The following COPS4 variants were observed in gnomAD, a reference collection of about 807,000 sequenced individuals.
COPS4 encodes COP9 signalosome complex subunit 4.
In COPS4, 8 loss-of-function variants were observed where a neutral mutation model predicts 55.1. The ratio of observed to expected loss-of-function variants is 0.15; its 90% confidence interval spans 0.09 to 0.26. The LOEUF is 0.26. Ranked by LOEUF, COPS4 falls within the 10% of genes least tolerant of loss-of-function variation. The pLI is 1.00. For synonymous variants in COPS4, 185 were observed against 165.7 expected, an observed-to-expected ratio of 1.12 and a Z score of -0.90; for missense variants, 248 against 484.0, an observed-to-expected ratio of 0.51 and a Z score of 4.58.
At chr4:83,068,573 T>C (rs372470219) in intron 9 of COPS4, 51 bp downstream of exon 9, 40 of 1,129,722 alleles carry the variant, frequency 3.5e-5, no homozygotes, top group Non-Finnish European at 5.0e-5. Flanking sequence ...TGAACTGTTA[T>C]ATTTGTGATT....
chr4:83,061,034 C>CAA (rs201966859), intron 6 of COPS4, among the ~76,000 whole-genome samples: 14 of 148,672 alleles, frequency 9.4e-5, no homozygotes, highest in Non-Finnish European at 1.3e-4. Flanking sequence ...AACTCTGTCT[C>CAA]AAAAAAAAAA....
chr4:83,071,237 C>T (rs1731421816), intron 9 of COPS4, among the ~76,000 whole-genome samples: 1 of 152,138 alleles, frequency 6.6e-6, no homozygotes, highest in African/African-American at 2.4e-5. Flanking sequence ...ATGGTACATC[C>T]AACATCTGTT....
At chr4:83,059,086 T>C (rs968980865) in intron 6 of COPS4, among the ~76,000 whole-genome samples, 2 of 152,192 alleles carry the variant, frequency 1.3e-5, no homozygotes, top group African/African-American at 4.8e-5. Context: ...TATTTCTTTA[T>C]TGAGTGAATT....
At chr4:83,043,178 T>C (rs1347810681) in intron 1 of COPS4, among the ~76,000 whole-genome samples, 1 of 152,140 alleles carries the variant, frequency 6.6e-6, no homozygotes, top group East Asian at 1.9e-4. Context: ...TTTTTCTTCC[T>C]ATTCCCAATA....
chr4:83,058,605 T>C (rs182273006), intron 6 of COPS4, among the ~76,000 whole-genome samples: 3 of 152,348 alleles, frequency 2.0e-5, no homozygotes, highest in African/African-American at 7.2e-5. Context: ...CTGCTTCTTT[T>C]TCTAAAGAAC....
chr4:83,066,601 C>T, intron 8 of COPS4, 48 bp downstream of exon 8: 1 of 815,638 alleles, frequency 1.2e-6, no homozygotes, highest in Non-Finnish European at 2.0e-6. Context: ...AGAGATGAAA[C>T]TATTAAAATA....
chr4:83,036,733 A>T (rs1730428022), intron 1 of COPS4, among the ~76,000 whole-genome samples: 1 of 148,588 alleles, frequency 6.7e-6, no homozygotes, highest in Non-Finnish European at 1.5e-5. Context: ...AATAAGTTAA[A>T]TATGTCTTCA....
intron 3 of COPS4, chr4:83,049,628 CA>C (rs970727128): frequency 1.3e-5 from 6 of 456,422 alleles, no homozygotes; most frequent in Non-Finnish European, 2.3e-5. Context: ...CAGGAACATA[CA>C]AGCTAAATTT....
intron 1 of COPS4, among the ~76,000 whole-genome samples, chr4:83,039,992 G>A (rs1023548931): frequency 3.3e-5 from 5 of 152,094 alleles, no homozygotes; most frequent in African/African-American, 4.8e-5. Flanking sequence ...AGGCTCCGGT[G>A]AAATCCCTGT....
Position 83,062,928 on chromosome 4 carries a change from A to T in COPS4, c.716-148A>T, listed in dbSNP as rs1731197819. ...TAGTGTTTGATAATTCAGCGTCGGC[A>T]GTGACTGCAGACCATAATTACCATG... On this transcript the variant is annotated intron_variant, in intron 6 of 9. Coordinates refer to ENST00000264389, the MANE Select transcript of COPS4 (RefSeq NM_016129.3). 6.5e-6 allele frequency: 4 copies of T among 611,878 alleles called. No homozygotes were observed. In the South Asian group the frequency reaches 9.7e-5, roughly 15 times the overall value. 37.9% of individuals were successfully genotyped at this position (611,878 alleles called of 1,614,324 possible).
chr4:83,057,778 C>A (rs561870247), intron 6 of COPS4, among the ~76,000 whole-genome samples: 3 of 151,622 alleles, frequency 2.0e-5, no homozygotes, highest in Non-Finnish European at 2.9e-5. Flanking sequence ...AAAAATTAGC[C>A]GGGCGTGGTG....
intron 2 of COPS4, among the ~76,000 whole-genome samples, chr4:83,047,741 C>T (rs1286865038): frequency 6.6e-6 from 1 of 152,178 alleles, no homozygotes; most frequent in Non-Finnish European, 1.5e-5. Context: ...TGGCTTACGC[C>T]TGTAGTCCCA....
chr4:83,062,849 T>C, intron 6 of COPS4: 1 of 380,610 alleles, frequency 2.6e-6, no homozygotes, highest in Non-Finnish European at 4.7e-6. Flanking sequence ...ACAAAAATGT[T>C]GTGACCAGAT....
At chr4:83,061,856 T>C (rs1731170905) in intron 6 of COPS4, among the ~76,000 whole-genome samples, 1 of 152,236 alleles carries the variant, frequency 6.6e-6, no homozygotes, top group South Asian at 2.1e-4. Context: ...CTTTTTGACA[T>C]GGCCCCATTA....
chr4:83,055,796 G>A (rs1190915739), intron 4 of COPS4, among the ~76,000 whole-genome samples: 3 of 151,938 alleles, frequency 2.0e-5, no homozygotes, highest in African/African-American at 4.8e-5. Context: ...ATCATAATGG[G>A]TGATTTCCAA....
chr4:83,070,818 C>G (rs1022498926), intron 9 of COPS4, among the ~76,000 whole-genome samples: 9 of 152,140 alleles, frequency 5.9e-5, no homozygotes, highest in Admixed American at 5.9e-4. Context: ...TCATGTTATT[C>G]TTTTGTTTAC....
At chr4:83,054,445 G>A (rs145060967) in intron 4 of COPS4, among the ~76,000 whole-genome samples, 1,834 of 152,246 alleles carry the variant, frequency 0.012, 46 homozygotes, top group African/African-American at 0.041. Flanking sequence ...ATTAATATTT[G>A]CAATAGTGAG....
intron 4 of COPS4, among the ~76,000 whole-genome samples, chr4:83,053,677 C>T (rs560169741): frequency 5.5e-4 from 84 of 151,898 alleles, no homozygotes; most frequent in Non-Finnish European, 1.0e-3. Context: ...CTTGTTTCTA[C>T]TAAAAATACA....
At chr4:83,066,298 A>G (rs1041102513) in intron 7 of COPS4, 140 bp from the exon 8 acceptor site, 4 of 474,366 alleles carry the variant, frequency 8.4e-6, no homozygotes, top group Non-Finnish European at 1.5e-5. Context: ...TACATCATAT[A>G]TTGGCTACTT....
Sources: gnomAD v4.1 joint callset for allele counts (sites outside exome capture counted in the v4.1 genomes callset) on GRCh38, gnomAD v4.1.1 for gene constraint, MANE v1.5 for transcripts, NCBI Gene and HGNC (gene_info 2026-07-23, HGNC 2026-07-21) for gene names.